The following ITIH2 variants were observed in gnomAD, a reference collection of about 807,000 sequenced individuals.
The protein encoded by ITIH2 is inter-alpha-trypsin inhibitor heavy chain H2.
Under a neutral mutation model 104.4 loss-of-function variants are expected in ITIH2, and 103 were observed. That is an observed-to-expected ratio of 0.99 (90% CI 0.84 to 1.16). The LOEUF (loss-of-function observed/expected upper bound fraction) is 1.16, where lower values mean the gene tolerates loss of function less well. Among genes scored for constraint, ITIH2 ranks in the 50% most tolerant of loss-of-function variants. The probability of loss-of-function intolerance (pLI) is 0.00; values close to 1 mark genes in which losing one functional copy is unlikely to be tolerated. For synonymous variants in ITIH2, 436 were observed against 435.4 expected, an observed-to-expected ratio of 1.00 and a Z score of -0.02; for missense variants, 1,108 against 1,162.4, an observed-to-expected ratio of 0.95 and a Z score of 0.68.
intron 5 of ITIH2, among the ~76,000 whole-genome samples, chr10:7,715,461 G>T (rs1588451829): frequency 6.6e-6 from 1 of 151,222 alleles, no homozygotes; most frequent in Non-Finnish European, 1.5e-5. Flanking sequence ...CCATCATTTT[G>T]ACCACATCAC....
Position 7,732,359 on chromosome 10 carries a change from G to C in ITIH2, c.1669G>C (p.Glu557Gln). 2.5e-6 allele frequency: 4 copies of C among 1,613,938 alleles called. No individual in the cohort carries two copies. Among genetic ancestry groups the C allele is most frequent in the Non-Finnish European group, 3.4e-6 (4 of 1,179,908 alleles). Residue 557 changes from glutamate to glutamine, a missense_variant, in exon 14 of 21, where the codon GAG becomes CAG. Physicochemically the swap from Glu to Gln is conservative, Grantham distance 29. Transcript: ENST00000358415. The part of the protein sequence containing the change: ...ATSANTQLVL[E>Q]TLAQMDDLQD... ...CTAGGCTAACACGCAGTTAGTCTTG[G>C]AGACCCTGGCCCAGATGGACGACTT...
At chr10:7,731,063 C>A (rs1055619948) in intron 12 of ITIH2, among the ~76,000 whole-genome samples, 4 of 152,088 alleles carry the variant, frequency 2.6e-5, no homozygotes, top group African/African-American at 9.7e-5. Context: ...GGATTACAGG[C>A]ATGTGCCACC....
In ITIH2 at chr10:7,712,407, C is replaced by T. The variant is rs888686060; in HGVS notation, c.363-774C>T. Among the ~76,000 whole-genome samples, 6 of 152,186 alleles carry T rather than the reference C, an allele frequency of 3.9e-5. 1 individual carries two copies. The highest frequency in any genetic ancestry group is 3.3e-4 in the Admixed American group (5 of 15,282). On this transcript the variant is annotated intron_variant, in intron 4 of 20. Coordinates refer to ENST00000358415, the MANE Select transcript of ITIH2 (RefSeq NM_002216.3). The stretch of plus-strand genomic sequence containing the variant: ...CCTAGGAAGTAAGGTTCAACATGCA[C>T]ATTTGCGGGGAACATAAACATTCGG...
chr10:7,723,691 G>A (rs2130949692), intron 9 of ITIH2, 124 bp downstream of exon 9: 1 of 692,172 alleles, frequency 1.4e-6, no homozygotes, highest in East Asian at 2.5e-5. Flanking sequence ...TGTGGTTACA[G>A]ACTGCCGGTG....
At chr10:7,713,764 G>C (rs1287874599) in intron 5 of ITIH2, among the ~76,000 whole-genome samples, 2 of 152,166 alleles carry the variant, frequency 1.3e-5, no homozygotes, top group Non-Finnish European at 2.9e-5. Context: ...CTGGAATGCA[G>C]TGGTTTGATC....
chr10:7,749,255 A>G lies in ITIH2; in HGVS notation c.2762A>G (p.Asn921Ser), dbSNP rs73628457. 1,659 of 1,614,134 alleles carry G rather than the reference A, an allele frequency of 1.0e-3. 13 individuals carry two copies. The African/African-American group carries it at 0.02, about 20-fold the overall frequency. Residue 921 changes from asparagine (N) to serine (S), a missense_variant, in exon 21 of 21, where the codon AAC (asparagine) becomes AGC (serine). Coordinates refer to ENST00000358415, the MANE Select transcript of ITIH2 (RefSeq NM_002216.3). ...GACGTTACCTGCTGGTTTGTGCACAACAGTGGAAAAGGATTCATTGACGGG... is the reference window on the plus strand; with the variant it reads ...GACGTTACCTGCTGGTTTGTGCACAGCAGTGGAAAAGGATTCATTGACGGG... ...GTDVTCWFVH[N>S]SGKGFIDGHY...
intron 16 of ITIH2, among the ~76,000 whole-genome samples, chr10:7,741,392 C>A (rs1835122990): frequency 1.3e-5 from 2 of 152,078 alleles, no homozygotes; most frequent in South Asian, 4.1e-4. Flanking sequence ...GCTGGCCAGG[C>A]TGGTCTCGAA....
rs1298509031 is a variant in ITIH2 at position 7,721,862 on chromosome 10, GGTTTCTAGCTGCCAGGGCAAGT to G, written c.867+98_867+119del. The G allele has an allele frequency of 6.0e-4, 881 of 1,466,198 alleles. 6 individuals are homozygous for G. Among genetic ancestry groups the G allele is most frequent in the Non-Finnish European group, 1.4e-4 (154 of 1,074,060 alleles). 90.8% of individuals were successfully genotyped at this position (1,466,198 alleles called of 1,614,324 possible). ...TGAACAAACTCCCAGGCCTATGGGT[GGTTTCTAGCTGCCAGGGCAAGT>G]GTTTCTAGCTGCAGAGAAGGGACTA... On this transcript the variant is annotated intron_variant, in intron 8 of 20. Transcript: ENST00000358415.
Position 7,746,731 on chromosome 10 carries a change from C to T in ITIH2, c.2693+27C>T, listed in dbSNP as rs370734737. The T allele has an allele frequency of 2.4e-4, 344 of 1,411,108 alleles. 4 individuals carry two copies. Among genetic ancestry groups the T allele is most frequent in the Admixed American group, 5.8e-4 (34 of 58,428 alleles). 87.4% of individuals were successfully genotyped at this position (1,411,108 alleles called of 1,614,324 possible). A position where few individuals can be genotyped will look rare whatever the true frequency, so the allele number is the denominator to read the frequency against. On this transcript the variant is annotated intron_variant, in intron 20 of 20. Transcript: ENST00000358415. ...TAGGCCTCGGGCGTAAGGACAGTGA[C>T]GAAAAGGCCTTGTGTTAGAATTAGA...
chr10:7,733,073 A>G (rs1378603958), intron 14 of ITIH2, among the ~76,000 whole-genome samples: 1 of 151,664 alleles, frequency 6.6e-6, no homozygotes, highest in Non-Finnish European at 1.5e-5. Context: ...TTTTATATCT[A>G]TCATCCGTGT....
At chr10:7,745,857 C>A (rs867687529) in intron 19 of ITIH2, among the ~76,000 whole-genome samples, 1 of 151,236 alleles carries the variant, frequency 6.6e-6, no homozygotes, top group Non-Finnish European at 1.5e-5. Flanking sequence ...CCGGTTCATG[C>A]GATTCTCTTC....
intron 12 of ITIH2, among the ~76,000 whole-genome samples, 169 bp downstream of exon 12, chr10:7,730,302 C>G (rs1310488463): frequency 6.6e-6 from 1 of 152,140 alleles, no homozygotes; most frequent in Non-Finnish European, 1.5e-5. Context: ...ACATGTTTCC[C>G]CCCACCCTCA....
rs200957680 is a variant in ITIH2, at chr10:7,703,418, C to G, written c.-17C>G. ...AGACCATCTGCTTTGGGGAGCTTGG[C>G]AAAACTGTCCAGCAAAATGAAAAGA... is the stretch of plus-strand genomic sequence containing the variant. On this transcript the variant is annotated 5_prime_UTR_variant, in exon 1 of 21. Coordinates refer to ENST00000358415, the MANE Select transcript of ITIH2 (RefSeq NM_002216.3). The G allele has an allele frequency of 2.1e-5, 34 of 1,606,550 alleles. No individual in the cohort carries two copies. The East Asian group carries it at 7.4e-4, about 35-fold the overall frequency.
intron 11 of ITIH2, 107 bp from the exon 12 acceptor site, chr10:7,729,845 G>A: frequency 1.6e-6 from 1 of 618,718 alleles, no homozygotes; most frequent in Non-Finnish European, 2.7e-6. Flanking sequence ...AAAGGGAAAT[G>A]CAGTTTTAAT....
chr10:7,719,760 C>CAAAAAAAAAAAAAAAAAAAAAA (rs71385664), intron 6 of ITIH2, among the ~76,000 whole-genome samples: 4 of 41,708 alleles, frequency 9.6e-5, no homozygotes, highest in Admixed American at 4.2e-4. Context: ...GACCCTGTCT[C>CAAAAAAAAAAAAAAAAAAAAAA]AAAAAAAAAA....
At chr10:7,726,281 G>A (rs184805169) in intron 9 of ITIH2, among the ~76,000 whole-genome samples, 1 of 152,270 alleles carries the variant, frequency 6.6e-6, no homozygotes, top group South Asian at 2.1e-4. Flanking sequence ...TGTTTTTGTT[G>A]ATGGAAATGT....
intron 5 of ITIH2, among the ~76,000 whole-genome samples, chr10:7,717,142 C>T (rs934795354): frequency 1.1e-4 from 16 of 151,888 alleles, no homozygotes; most frequent in East Asian, 1.9e-4. Flanking sequence ...TTAGTAGAGA[C>T]GGGGTTTCAC....
intron 5 of ITIH2, among the ~76,000 whole-genome samples, chr10:7,715,419 CAAAA>C (rs796129147): frequency 7.1e-6 from 1 of 141,192 alleles, no homozygotes; most frequent in Admixed American, 7.1e-5. Flanking sequence ...GATTCCTTCT[CAAAA>C]AAAAAAAAAT....
rs762257733 is a variant in ITIH2 at position 7,723,454 on chromosome 10, T to C, written c.871T>C (p.Phe291Leu). ...REEKAGELEV[F>L]NGYFVHFFAP... ...ACAAATACCTTCTATTTTTCAGGTG[T>C]TTAATGGATATTTTGTCCACTTCTT... Residue 291 changes from phenylalanine to leucine, a missense_variant, in exon 9 of 21, where the codon TTT (phenylalanine) becomes CTT (leucine). Transcript: ENST00000358415. 6.3e-7 allele frequency: 1 copy of C among 1,596,790 alleles called. No homozygotes were observed. The highest frequency in any genetic ancestry group is 8.6e-7 in the Non-Finnish European group (1 of 1,164,270).
Sources: gnomAD v4.1 joint callset for allele counts (sites outside exome capture counted in the v4.1 genomes callset) on GRCh38, gnomAD v4.1.1 for gene constraint, MANE v1.5 for transcripts, NCBI Gene and HGNC (gene_info 2026-07-23, HGNC 2026-07-21) for gene names.